Variants in ADISSP observed in about 807,000 individuals in gnomAD.
ADISSP encodes the protein adipose-secreted signaling protein.
the ADISSP span, chr20:3,754,380 G>A: frequency 1.2e-6 from 2 of 1,602,796 alleles, no homozygotes; most frequent in Non-Finnish European, 1.7e-6. Flanking sequence ...CTCCAACCAG[G>A]AGCCTCACGC....
chr20:3,757,774 G>A, the ADISSP span, among the ~76,000 whole-genome samples: 78 of 152,170 alleles, frequency 5.1e-4, no homozygotes, highest in African/African-American at 1.3e-3. Flanking sequence ...GACTACAGGC[G>A]TGCGCCACCA....
At chr20:3,755,568 A>G in the ADISSP span, 2 of 1,613,038 alleles carry the variant, frequency 1.2e-6, no homozygotes, top group South Asian at 2.2e-5. Flanking sequence ...GGCAGAGTGA[A>G]GGTAATCTCA....
At chr20:3,758,499 G>C in the ADISSP span, 1 of 1,598,372 alleles carries the variant, frequency 6.3e-7, no homozygotes, top group Non-Finnish European at 8.5e-7. The surrounding 1 kb of genome is among the most constrained non-coding windows in gnomAD (Gnocchi z 5.5). Flanking sequence ...GAGCCGGGGA[G>C]GGGAAGAAGC....
At chr20:3,766,212 A>G in the ADISSP span, among the ~76,000 whole-genome samples, 6 of 152,178 alleles carry the variant, frequency 3.9e-5, no homozygotes, top group Non-Finnish European at 8.8e-5. Flanking sequence ...CTGTGAAAAG[A>G]ACAGCCATTG....
At chr20:3,756,778 T>C in the ADISSP span, among the ~76,000 whole-genome samples, 2 of 152,142 alleles carry the variant, frequency 1.3e-5, no homozygotes, top group South Asian at 2.1e-4. Context: ...CGCTGCCCTA[T>C]TTATAACAAT....
chr20:3,758,809 T>C, the ADISSP span: 1 of 811,516 alleles, frequency 1.2e-6, no homozygotes, highest in Non-Finnish European at 1.9e-6. This position sits in a 1 kb window ranked among gnomAD's most constrained non-coding sequence, Gnocchi z 5.5. Context: ...TTTTCAGGGC[T>C]AGATGGACAC....
the ADISSP span, chr20:3,753,713 C>T: frequency 5.3e-6 from 2 of 375,312 alleles, no homozygotes; most frequent in African/African-American, 2.1e-5. Flanking sequence ...GAGCCAGCTC[C>T]GTCCTCTCCC....
the ADISSP span, among the ~76,000 whole-genome samples, chr20:3,762,716 T>C: frequency 6.6e-6 from 1 of 152,366 alleles, no homozygotes; most frequent in East Asian, 1.9e-4. Flanking sequence ...ACATGTTGTC[T>C]GTTTTTGCAC....
chr20:3,759,372 G>A, the ADISSP span, among the ~76,000 whole-genome samples: 3 of 152,176 alleles, frequency 2.0e-5, no homozygotes, highest in Admixed American at 6.5e-5. The surrounding 1 kb of genome is among the most constrained non-coding windows in gnomAD (Gnocchi z 4.6). Context: ...TCTGAGCTGG[G>A]TCGGGTTCTC....
At chr20:3,754,548 CACCTCCCCCA>C in the ADISSP span, 1 of 1,603,616 alleles carries the variant, frequency 6.2e-7, no homozygotes, top group South Asian at 1.1e-5. Flanking sequence ...AATTGGTCAG[CACCTCCCCCA>C]GCCTCCCCGA....
the ADISSP span, chr20:3,767,320 G>C: frequency 6.6e-6 from 1 of 152,456 alleles, no homozygotes; most frequent in Admixed American, 6.5e-5. Context: ...AGGTCATGCA[G>C]CGAGGCAGCG....
the ADISSP span, chr20:3,758,405 G>A: frequency 1.3e-6 from 1 of 744,070 alleles, no homozygotes; most frequent in Non-Finnish European, 2.2e-6. This position sits in a 1 kb window ranked among gnomAD's most constrained non-coding sequence, Gnocchi z 5.5. Context: ...CTGACAGATG[G>A]GGCAACCAAG....
the ADISSP span, chr20:3,754,127 A>G: frequency 5.6e-6 from 9 of 1,613,110 alleles, no homozygotes; most frequent in Admixed American, 1.5e-4. Flanking sequence ...ACTTGACACC[A>G]TCCAGCAGCA....
the ADISSP span, among the ~76,000 whole-genome samples, chr20:3,761,628 G>A: frequency 0.048 from 7,286 of 152,254 alleles, 607 homozygotes; most frequent in African/African-American, 0.16. Flanking sequence ...GAGCCACCAT[G>A]CCTGGCCGAG....
chr20:3,754,778 A>C, the ADISSP span, among the ~76,000 whole-genome samples: 1 of 152,188 alleles, frequency 6.6e-6, no homozygotes, highest in African/African-American at 2.4e-5. Flanking sequence ...AGAGTGAATG[A>C]AGTAGGGTCC....
chr20:3,759,847 C>G, the ADISSP span, among the ~76,000 whole-genome samples: 5 of 152,162 alleles, frequency 3.3e-5, no homozygotes, highest in Non-Finnish European at 5.9e-5. This position sits in a 1 kb window ranked among gnomAD's most constrained non-coding sequence, Gnocchi z 4.6. Context: ...CCTCCACAGA[C>G]CAGCCTAAGG....
the ADISSP span, chr20:3,754,109 G>A: frequency 2.7e-4 from 434 of 1,613,448 alleles, no homozygotes; most frequent in East Asian, 6.5e-3. Flanking sequence ...CCAGCTCGGC[G>A]CCCACACACT....
chr20:3,758,459 G>T, the ADISSP span: 2 of 1,401,786 alleles, frequency 1.4e-6, no homozygotes, highest in Non-Finnish European at 2.0e-6. The surrounding 1 kb of genome is among the most constrained non-coding windows in gnomAD (Gnocchi z 5.5). Context: ...CGGCTGAGAG[G>T]AACGGGGATA....
the ADISSP span, chr20:3,754,463 T>G: frequency 6.2e-7 from 1 of 1,614,062 alleles, no homozygotes; most frequent in Non-Finnish European, 8.5e-7. Flanking sequence ...GCTAGCAGTA[T>G]CTCCTCTTTG....
Sources: gnomAD v4.1 joint callset for allele counts (sites outside exome capture counted in the v4.1 genomes callset) on GRCh38, gnomAD v4.1.1 for gene constraint, Gnocchi (gnomAD v3.1) non-coding constraint, MANE v1.5 for transcripts, NCBI Gene and HGNC (gene_info 2026-07-23, HGNC 2026-07-21) for gene names.